The following CENPK variants were observed in gnomAD, a reference collection of about 807,000 sequenced individuals.
CENPK encodes centromere protein K, also known as SoxLZ/Sox6-binding protein Solt.
CENPK carries 46 observed loss-of-function variants against 40.9 expected under a neutral mutation model. The observed-to-expected ratio is 1.13, with a 90% CI of 0.89 to 1.44. The LOEUF is 1.44. CENPK is among the 40% of genes most tolerant of loss of function. The pLI, the probability that CENPK is intolerant of heterozygous loss-of-function variation, is 0.00. For synonymous variants in CENPK, 107 were observed against 104.4 expected, an observed-to-expected ratio of 1.02 and a Z score of -0.15; for missense variants, 288 against 303.5, an observed-to-expected ratio of 0.95 and a Z score of 0.38.
chr5:65,495,841 GACAAAATTTTAAAAA>G, the CENPK span, among the ~76,000 whole-genome samples: 1 of 152,074 alleles, frequency 6.6e-6, no homozygotes, highest in Non-Finnish European at 1.5e-5. Flanking sequence ...TAATCAAATA[GACAAAATTTTAAAAA>G]ATACTCATTG....
chr5:65,562,636 TGAA>T (rs1010192387), intron 1 of CENPK, among the ~76,000 whole-genome samples: 2 of 152,138 alleles, frequency 1.3e-5, no homozygotes, highest in Non-Finnish European at 2.9e-5. Flanking sequence ...TTTTTAAAAA[TGAA>T]GAAGACAGAT....
downstream of CENPK, among the ~76,000 whole-genome samples, chr5:65,517,502 G>C (rs909341699): frequency 6.6e-6 from 1 of 152,124 alleles, no homozygotes; most frequent in Admixed American, 6.5e-5. Context: ...ATTTTCTACA[G>C]AGGGATTTGG....
At chr5:65,526,695 C>G (rs1681090977) in intron 9 of CENPK, among the ~76,000 whole-genome samples, 1 of 152,166 alleles carries the variant, frequency 6.6e-6, no homozygotes, top group Non-Finnish European at 1.5e-5. Flanking sequence ...TTCAGTAGCT[C>G]ACATCTGTAG....
the CENPK span, among the ~76,000 whole-genome samples, chr5:65,496,966 G>C: frequency 1.3e-5 from 2 of 151,940 alleles, no homozygotes; most frequent in Non-Finnish European, 2.9e-5. Flanking sequence ...CTGAGGCAGA[G>C]AATTGATTGA....
chr5:65,507,015 G>A, the CENPK span, among the ~76,000 whole-genome samples: 4 of 152,218 alleles, frequency 2.6e-5, no homozygotes, highest in Admixed American at 6.5e-5. Flanking sequence ...ATTATCTTAC[G>A]TATCATGTTC....
chr5:65,542,166 T>C (rs1748092319), intron 6 of CENPK, among the ~76,000 whole-genome samples: 1 of 152,222 alleles, frequency 6.6e-6, no homozygotes, highest in Admixed American at 6.5e-5. Flanking sequence ...ACGTATGGAT[T>C]TTGGGAGACA....
intron 9 of CENPK, among the ~76,000 whole-genome samples, chr5:65,523,076 T>C (rs185345075): frequency 5.9e-5 from 9 of 152,374 alleles, no homozygotes; most frequent in Non-Finnish European, 1.2e-4. Flanking sequence ...ATGTATTCTG[T>C]ACATATGTAA....
chr5:65,503,116 T>TTG, the CENPK span, among the ~76,000 whole-genome samples: 1 of 149,658 alleles, frequency 6.7e-6, no homozygotes, highest in Non-Finnish European at 1.5e-5. Flanking sequence ...TAATATTTTT[T>TTG]TTTTTTTTTT....
At chr5:65,499,561 T>A in the CENPK span, among the ~76,000 whole-genome samples, 1 of 152,014 alleles carries the variant, frequency 6.6e-6, no homozygotes, top group Non-Finnish European at 1.5e-5. Flanking sequence ...GGTTTATGCT[T>A]TTTACCAAAT....
intron 5 of CENPK, among the ~76,000 whole-genome samples, chr5:65,546,522 T>C (rs1467315760): frequency 2.0e-5 from 3 of 152,232 alleles, no homozygotes; most frequent in Non-Finnish European, 4.4e-5. Flanking sequence ...GCTTTAAATA[T>C]ATAGATTTGT....
chr5:65,527,097 C>CAAAAATAAAAATAAATA (rs1289628438), intron 9 of CENPK, among the ~76,000 whole-genome samples: 1 of 151,272 alleles, frequency 6.6e-6, no homozygotes, highest in Admixed American at 6.6e-5. Flanking sequence ...ACTCGGTCCC[C>CAAAAATAAAAATAAATA]AAAAATAAAA....
chr5:65,561,384 C>T, intron 2 of CENPK, 79 bp downstream of exon 2: 1 of 349,370 alleles, frequency 2.9e-6, no homozygotes, highest in Non-Finnish European at 6.1e-6. Flanking sequence ...GATAAATATT[C>T]AACAAATTAT....
At chr5:65,547,056 A>G (rs1455587090) in intron 5 of CENPK, among the ~76,000 whole-genome samples, 1 of 152,190 alleles carries the variant, frequency 6.6e-6, no homozygotes, top group African/African-American at 2.4e-5. Flanking sequence ...AAGAAGATAT[A>G]ATGCTGGTAT....
chr5:65,540,324 G>A (rs1231699358), intron 6 of CENPK, among the ~76,000 whole-genome samples: 1 of 151,828 alleles, frequency 6.6e-6, no homozygotes, highest in Non-Finnish European at 1.5e-5. Flanking sequence ...AAAACACTAG[G>A]GCAGGAATGC....
At chr5:65,511,245 C>T in the CENPK span, among the ~76,000 whole-genome samples, 1 of 152,278 alleles carries the variant, frequency 6.6e-6, no homozygotes, top group East Asian at 1.9e-4. Flanking sequence ...ATCTCCATAA[C>T]ATAAAAGCGC....
In CENPK at chr5:65,563,138, C is replaced by T; in HGVS notation, c.-182G>A. On this transcript the variant is annotated 5_prime_UTR_variant, in exon 1 of 11. Coordinates refer to ENST00000396679, the MANE Select transcript of CENPK (RefSeq NM_022145.5). ...AACTCCAGGTCGCCTAGGCGCTGCG[C>T]AGGAAGCGCTTGCCAGCCCCGGACT... 1.3e-6 allele frequency: 1 copy of T among 797,666 alleles called. No individual in the cohort carries two copies. The highest frequency in any genetic ancestry group is 1.9e-6 in the Non-Finnish European group (1 of 519,522). 49.4% of individuals were successfully genotyped at this position (797,666 alleles called of 1,614,324 possible).
At chr5:65,503,729 C>T in the CENPK span, among the ~76,000 whole-genome samples, 1 of 151,422 alleles carries the variant, frequency 6.6e-6, no homozygotes, top group African/African-American at 2.4e-5. Flanking sequence ...TTGATCTCAG[C>T]TCACTGTAAC....
chr5:65,541,387 T>C (rs1747946111), intron 6 of CENPK: 1 of 456,218 alleles, frequency 2.2e-6, no homozygotes, highest in Non-Finnish European at 4.4e-6. Context: ...CTGAAGTGAA[T>C]TAAGAGGACA....
chr5:65,533,423 G>A (rs1019796454), intron 6 of CENPK, among the ~76,000 whole-genome samples: 11 of 151,346 alleles, frequency 7.3e-5, no homozygotes, highest in African/African-American at 1.9e-4. Flanking sequence ...GAAAATTTCC[G>A]CAATCTGCTT....
Sources: gnomAD v4.1 joint callset for allele counts (sites outside exome capture counted in the v4.1 genomes callset) on GRCh38, gnomAD v4.1.1 for gene constraint, MANE v1.5 for transcripts, NCBI Gene and HGNC (gene_info 2026-07-23, HGNC 2026-07-21) for gene names.